Variants in DIPK1A observed in about 807,000 individuals in gnomAD.
DIPK1A encodes divergent protein kinase domain 1A.
In DIPK1A, 27 loss-of-function variants were observed where a neutral mutation model predicts 40.8. That is an observed-to-expected ratio of 0.66 (90% confidence interval 0.49 to 0.91). The LOEUF (loss-of-function observed/expected upper bound fraction) is 0.91. Among genes scored for constraint, DIPK1A ranks in the 40% least tolerant of loss-of-function variants. The pLI is 0.00. For synonymous variants in DIPK1A, 166 were observed against 171.3 expected (o/e 0.97, Z 0.24); for missense variants, 412 against 505.7 (o/e 0.81, Z 1.78).
At chr1:92,946,504 T>A (rs551389774) in intron 1 of DIPK1A, among the ~76,000 whole-genome samples, 1 of 152,348 alleles carries the variant, frequency 6.6e-6, no homozygotes, top group Non-Finnish European at 1.5e-5. Context: ...ACAGTTGTTA[T>A]TTCTGAGGTT....
chr1:92,927,635 C>A (rs760466699), intron 1 of DIPK1A, among the ~76,000 whole-genome samples: 1 of 152,142 alleles, frequency 6.6e-6, no homozygotes, highest in Non-Finnish European at 1.5e-5. Flanking sequence ...ATTTCCCCAG[C>A]CCAAAGCAAA....
intron 1 of DIPK1A, chr1:92,933,640 A>T (rs1447978916): frequency 6.6e-6 from 1 of 152,234 alleles, no homozygotes; most frequent in Non-Finnish European, 1.5e-5. Context: ...AGTTTCTAAA[A>T]GGAAAAAAAA....
intron 3 of DIPK1A, among the ~76,000 whole-genome samples, chr1:92,847,928 G>T (rs1275691257): frequency 6.6e-6 from 1 of 152,080 alleles, no homozygotes; most frequent in African/African-American, 2.4e-5. Flanking sequence ...GTAGAGATGG[G>T]GTCTTGCTGT....
At chr1:92,926,656 G>A (rs1650523044) in intron 1 of DIPK1A, among the ~76,000 whole-genome samples, 1 of 152,138 alleles carries the variant, frequency 6.6e-6, no homozygotes, top group Admixed American at 6.5e-5. Flanking sequence ...TCTTCCATCT[G>A]TCAGTTTTAT....
At chr1:92,859,560 C>T in intron 2 of DIPK1A, among the ~76,000 whole-genome samples, 1 of 152,190 alleles carries the variant, frequency 6.6e-6, no homozygotes. Flanking sequence ...CAGGAATGCA[C>T]AGGTGCTTGG....
chr1:92,843,684 C>A lies in DIPK1A; in HGVS notation c.986G>T (p.Arg329Leu). The A allele has an allele frequency of 9.0e-6, 14 of 1,551,702 alleles. No individual in the cohort carries two copies. Among genetic ancestry groups the A allele is most frequent in the Non-Finnish European group, 1.2e-5 (14 of 1,147,004 alleles). The change falls in exon 5 of 5, where the codon CGT becomes CTT. Residue 329 changes from arginine to leucine, a missense_variant. Arg to Leu is a moderately radical substitution (Grantham distance 102). Coordinates refer to ENST00000370310, the MANE Select transcript of DIPK1A (RefSeq NM_001006605.5). Reference sequence around the variant, plus strand: ...ACAGTCCAAATCAGACTCACAGTGACGATCCTTAATAAGTTCTTTCAGGTT... The same window carrying A: ...ACAGTCCAAATCAGACTCACAGTGAAGATCCTTAATAAGTTCTTTCAGGTT... ...ETNLKELIKD[R>L]HCESDLDCVY...
intron 1 of DIPK1A, among the ~76,000 whole-genome samples, chr1:92,929,002 C>G (rs774829112): frequency 6.6e-6 from 1 of 152,072 alleles, no homozygotes; most frequent in Non-Finnish European, 1.5e-5. Context: ...TTCTCTTTCT[C>G]TGTTTGAGGT....
intron 1 of DIPK1A, among the ~76,000 whole-genome samples, chr1:92,898,816 G>T (rs1458555154): frequency 6.6e-6 from 1 of 151,962 alleles, no homozygotes; most frequent in Non-Finnish European, 1.5e-5. Context: ...AGGCTGGAGT[G>T]CACTGGCACA....
chr1:92,841,140 A>G (rs1327116439), downstream of DIPK1A, among the ~76,000 whole-genome samples: 1 of 152,204 alleles, frequency 6.6e-6, no homozygotes, highest in Non-Finnish European at 1.5e-5. Context: ...AAACAAAATC[A>G]TACTCCTCCT....
chr1:92,846,815 A>ATATATGTGTG (rs1553123764), intron 4 of DIPK1A, among the ~76,000 whole-genome samples: 189 of 4,586 alleles, frequency 0.041, 24 homozygotes, highest in South Asian at 0.11. Flanking sequence ...ATATATATAT[A>ATATATGTGTG]TATATATATA....
chr1:92,922,161 C>T (rs1014941731), intron 1 of DIPK1A, among the ~76,000 whole-genome samples: 2 of 151,668 alleles, frequency 1.3e-5, no homozygotes, highest in African/African-American at 4.8e-5. Context: ...ATTTTGTATG[C>T]CCTTTTGCTT....
intron 4 of DIPK1A, among the ~76,000 whole-genome samples, chr1:92,844,940 C>CTTT (rs71094206): frequency 3.0e-4 from 28 of 94,036 alleles, no homozygotes; most frequent in East Asian, 6.3e-4. Flanking sequence ...ATTAGTATTT[C>CTTT]TTTTTTTTTT....
intron 1 of DIPK1A, among the ~76,000 whole-genome samples, chr1:92,907,299 G>A (rs1483262459): frequency 6.6e-6 from 1 of 151,996 alleles, no homozygotes; most frequent in Admixed American, 6.6e-5. Flanking sequence ...GTTTTATTCT[G>A]CAGTATTGTC....
intron 2 of DIPK1A, among the ~76,000 whole-genome samples, chr1:92,855,650 T>G (rs1046454445): frequency 6.7e-6 from 1 of 150,268 alleles, no homozygotes; most frequent in African/African-American, 2.5e-5. Context: ...GCTGCCACGA[T>G]CATGCCATTG....
At chr1:92,927,798 T>C (rs890783668) in intron 1 of DIPK1A, among the ~76,000 whole-genome samples, 3 of 152,252 alleles carry the variant, frequency 2.0e-5, no homozygotes, top group Admixed American at 6.5e-5. Flanking sequence ...TTCGTTTCTT[T>C]TTATTGCTGA....
At chr1:92,954,675 G>A (rs1011099921) in intron 1 of DIPK1A, among the ~76,000 whole-genome samples, 3 of 151,690 alleles carry the variant, frequency 2.0e-5, no homozygotes, top group South Asian at 2.1e-4. Context: ...GTGCCCAGCC[G>A]ACAACACCTT....
chr1:92,887,626 T>C (rs1187181744), intron 1 of DIPK1A, among the ~76,000 whole-genome samples: 2 of 152,200 alleles, frequency 1.3e-5, no homozygotes, highest in East Asian at 1.9e-4. Context: ...AGCTGACCTG[T>C]AGATGTGTGA....
intron 1 of DIPK1A, among the ~76,000 whole-genome samples, chr1:92,889,158 T>C (rs1414281444): frequency 6.6e-5 from 10 of 152,220 alleles, no homozygotes. Context: ...TTCAAGTCTT[T>C]AATCCATTTT....
chr1:92,961,319 G>A (rs1652081911), intron 1 of DIPK1A, 57 bp downstream of exon 1: 1 of 1,340,700 alleles, frequency 7.5e-7, no homozygotes, highest in Non-Finnish European at 1.0e-6. Flanking sequence ...TGCGCGGCGC[G>A]GCAGGGCACA....
Sources: allele counts gnomAD v4.1 joint callset (sites outside exome capture counted in the v4.1 genomes callset), GRCh38; gene constraint gnomAD v4.1.1; transcripts MANE v1.5; gene names NCBI Gene and HGNC (gene_info 2026-07-23, HGNC 2026-07-21).